ABCC11: variants seen among roughly 807,000 people sequenced by gnomAD.
ABCC11 encodes ATP-binding cassette sub-family C member 11.
ABCC11 carries 135 observed loss-of-function variants against 149.3 expected under a neutral mutation model. The observed-to-expected ratio is 0.90, with a 90% CI of 0.79 to 1.04. The LOEUF (loss-of-function observed/expected upper bound fraction) is 1.04, where lower values mean the gene tolerates loss of function less well. ABCC11 is among the 50% of genes least tolerant of loss of function. ABCC11 has a pLI of 0.00. For synonymous variants in ABCC11, 665 were observed against 671.4 expected (o/e 0.99, Z 0.15); for missense variants, 1,680 against 1,722.1 (o/e 0.98, Z 0.43).
intron 10 of ABCC11, 112 bp from the exon 11 acceptor site, chr16:48,211,311 T>C (rs1008898541): frequency 7.3e-7 from 1 of 1,362,122 alleles, no homozygotes; most frequent in African/African-American, 1.5e-5. Context: ...GAATTTCTAA[T>C]AAGCAGTAAA....
chr16:48,179,286 CT>C (rs1966280682), intron 23 of ABCC11, among the ~76,000 whole-genome samples: 1 of 152,208 alleles, frequency 6.6e-6, no homozygotes, highest in South Asian at 2.1e-4. Context: ...ACCCAAGTTC[CT>C]TTCTCAGGTC....
intron 6 of ABCC11, among the ~76,000 whole-genome samples, chr16:48,220,744 C>T (rs1013976640): frequency 6.6e-6 from 1 of 152,056 alleles, no homozygotes; most frequent in Non-Finnish European, 1.5e-5. Flanking sequence ...CAATAAATAC[C>T]TAATGTTTGT....
At chr16:48,226,670 T>C (rs1223052904) in intron 4 of ABCC11, among the ~76,000 whole-genome samples, 1 of 152,220 alleles carries the variant, frequency 6.6e-6, no homozygotes. Flanking sequence ...ATATCTGGCA[T>C]TATCCAAAAA....
rs1157703740 is a variant in ABCC11, at chr16:48,208,370, T to C, written c.1680+55A>G. The C allele has an allele frequency of 6.8e-6, 11 of 1,607,532 alleles. 1 individual carries two copies. The highest frequency in any genetic ancestry group is 6.8e-6 in the Non-Finnish European group (8 of 1,175,732). ...GGGCCCCGCCTGGGGCACTGGAGCT[T>C]GGGAGGGCCTGGACTGCCTGCAGAC... On this transcript the variant is annotated intron_variant, in intron 12 of 29. Coordinates refer to ENST00000356608, the MANE Select transcript of ABCC11 (RefSeq NM_001370497.1).
chr16:48,216,872 T>C (rs1210845705), intron 6 of ABCC11, among the ~76,000 whole-genome samples: 3 of 152,178 alleles, frequency 2.0e-5, no homozygotes, highest in East Asian at 3.8e-4. Context: ...CCCTGTGAAT[T>C]TGCAAATGGG....
chr16:48,227,291 T>C (rs1679628881), intron 4 of ABCC11, among the ~76,000 whole-genome samples: 1 of 151,918 alleles, frequency 6.6e-6, no homozygotes, highest in Non-Finnish European at 1.5e-5. Flanking sequence ...CTGGCCAACA[T>C]AGTGAAACCC....
rs770373954 is a variant in ABCC11 at position 48,231,855 on chromosome 16, T to C, written c.67A>G (p.Ile23Val). The C allele has an allele frequency of 2.2e-5, 35 of 1,614,032 alleles. No individual in the cohort carries two copies. The highest frequency in any genetic ancestry group is 2.6e-5 in the Non-Finnish European group (31 of 1,179,986). ...AGTCCTGAAACCATGTCATCGCCTA[T>C]GTCGATGCCACGATTCACGAGGCCA... ...SGGLVNRGIDIGDDMVSGLIY... is the reference protein window; with the variant it reads ...SGGLVNRGIDVGDDMVSGLIY... The change falls in exon 2 of 30, where the codon ATA (isoleucine) becomes GTA (valine). Residue 23 changes from isoleucine to valine, a missense_variant. Ile to Val is a conservative substitution (Grantham distance 29). Coordinates refer to ENST00000356608, the MANE Select transcript of ABCC11 (RefSeq NM_001370497.1).
intron 6 of ABCC11, among the ~76,000 whole-genome samples, chr16:48,216,608 A>G (rs1969361637): frequency 6.6e-6 from 1 of 152,234 alleles, no homozygotes; most frequent in Non-Finnish European, 1.5e-5. Flanking sequence ...ATATTTTACT[A>G]CGATTAATAC....
At chr16:48,194,837 G>A (rs1476532535) in intron 18 of ABCC11, among the ~76,000 whole-genome samples, 1 of 152,188 alleles carries the variant, frequency 6.6e-6, no homozygotes, top group East Asian at 1.9e-4. Context: ...AGAACAGTGA[G>A]AAATAAATTT....
chr16:48,205,767 C>T (rs1041423929), intron 12 of ABCC11, among the ~76,000 whole-genome samples: 1 of 151,960 alleles, frequency 6.6e-6, no homozygotes, highest in African/African-American at 2.4e-5. Context: ...CCTGCTTGGA[C>T]TGAATCCAAG....
chr16:48,213,086 G>C (rs1041259345), intron 10 of ABCC11, among the ~76,000 whole-genome samples: 1 of 152,180 alleles, frequency 6.6e-6, no homozygotes, highest in African/African-American at 2.4e-5. Flanking sequence ...TCAAAAATCT[G>C]GGTTTTCACA....
At chr16:48,232,784 G>A (rs1417316248) in intron 1 of ABCC11, among the ~76,000 whole-genome samples, 1 of 152,178 alleles carries the variant, frequency 6.6e-6, no homozygotes, top group Admixed American at 6.5e-5. Context: ...CTTTTCTGTT[G>A]CCATCCTGAA....
intron 1 of ABCC11, among the ~76,000 whole-genome samples, chr16:48,245,438 T>C (rs1971313120): frequency 1.3e-5 from 2 of 152,218 alleles, no homozygotes; most frequent in Non-Finnish European, 2.9e-5. Context: ...GAAGAATAAA[T>C]TGAATAATGT....
At chr16:48,237,299 C>T (rs533196587) in intron 1 of ABCC11, among the ~76,000 whole-genome samples, 1 of 152,314 alleles carries the variant, frequency 6.6e-6, no homozygotes, top group East Asian at 1.9e-4. Context: ...ATGAGACCCT[C>T]ATTATAGCCA....
In ABCC11 at chr16:48,211,090, C is replaced by T. The variant is rs762021166; in HGVS notation, c.1466G>A (p.Gly489Glu). 6.2e-7 allele frequency: 1 copy of T among 1,614,190 alleles called. No homozygotes were observed. The highest frequency in any genetic ancestry group is 1.7e-5 in the Admixed American group (1 of 60,022). Reference sequence around the variant, plus strand: ...CAGCTCCAGTGCCCCATTGACGATCCCGGGACAGGTCTGTTGCCATGACAA... The same window carrying T: ...CAGCTCCAGTGCCCCATTGACGATCTCGGGACAGGTCTGTTGCCATGACAA... ...ATLSWQQTCP[G>E]IVNGALELER... Residue 489 changes from glycine (G) to glutamate (E), a missense_variant, in exon 11 of 30, where the codon GGG becomes GAG. Coordinates refer to ENST00000356608, the MANE Select transcript of ABCC11 (RefSeq NM_001370497.1).
chr16:48,204,093 A>G (rs1244125440), intron 13 of ABCC11, among the ~76,000 whole-genome samples: 2 of 152,214 alleles, frequency 1.3e-5, no homozygotes, highest in East Asian at 3.9e-4. Flanking sequence ...TGCAGTGTGA[A>G]CATCTTTGTA....
chr16:48,205,009 G>GC (rs953158571), intron 13 of ABCC11, among the ~76,000 whole-genome samples: 1 of 152,112 alleles, frequency 6.6e-6, no homozygotes, highest in African/African-American at 2.4e-5. Context: ...GAACCTCATC[G>GC]CTCCCATTTG....
At chr16:48,179,354 C>G (rs1363722478) in intron 23 of ABCC11, among the ~76,000 whole-genome samples, 1 of 152,154 alleles carries the variant, frequency 6.6e-6, no homozygotes, top group Admixed American at 6.5e-5. Flanking sequence ...ATTGGGGGCA[C>G]CAAAGATAAG....
intron 7 of ABCC11, 53 bp from the exon 8 acceptor site, chr16:48,215,397 C>A (rs1969261286): frequency 1.3e-6 from 2 of 1,591,696 alleles, no homozygotes; most frequent in Non-Finnish European, 1.7e-6. Flanking sequence ...CTTCCTTTGA[C>A]AAGGGCAGGA....
Sources: gnomAD v4.1 joint callset for allele counts (sites outside exome capture counted in the v4.1 genomes callset) on GRCh38, gnomAD v4.1.1 for gene constraint, MANE v1.5 for transcripts, NCBI Gene and HGNC (gene_info 2026-07-23, HGNC 2026-07-21) for gene names.